The following TMEM80 variants were observed in gnomAD, a reference collection of about 807,000 sequenced individuals.
TMEM80 encodes transmembrane protein 80.
A neutral mutation model predicts 13.6 loss-of-function variants in TMEM80; 16 were observed. The ratio of observed to expected loss-of-function variants is 1.17; its 90% CI spans 0.79 to 1.78. TMEM80 has a LOEUF of 1.78. TMEM80 is among the 40% of genes most tolerant of loss of function. The pLI, the probability that TMEM80 is intolerant of heterozygous loss-of-function variation, is 0.00. For missense variants in TMEM80, 167 were observed against 184.6 expected (o/e 0.90, Z 0.55); for synonymous variants, 92 against 89.5 (o/e 1.03, Z -0.16).
At chr11:700,973 A>G (rs1222488963) in intron 4 of TMEM80, 2 of 441,774 alleles carry the variant, frequency 4.5e-6, no homozygotes, top group Non-Finnish European at 7.9e-6. Context: ...GGGTAATGGC[A>G]CTGAGATCAG....
chr11:696,055 C>T (rs895016996), intron 1 of TMEM80, among the ~76,000 whole-genome samples: 1 of 152,152 alleles, frequency 6.6e-6, no homozygotes, highest in African/African-American at 2.4e-5. Context: ...CTCCCCCGCG[C>T]GCGGGCGCCT....
At chr11:698,588 C>G (rs1246860251) in intron 1 of TMEM80, among the ~76,000 whole-genome samples, 1 of 152,180 alleles carries the variant, frequency 6.6e-6, no homozygotes, top group Non-Finnish European at 1.5e-5. Context: ...CCCTGAGGGC[C>G]AGCTGGGTCT....
rs558690114 is a variant in TMEM80, at chr11:698,490, T to A, written c.20-379T>A. On this transcript the variant is annotated intron_variant, in intron 1 of 4. Transcript: ENST00000397510. ...GTCAGAAAAGGTTTTCATCTAGTCA[T>A]ATATGTGTGGCAAATACGGAGAAGC... Among the ~76,000 whole-genome samples the A allele has an allele frequency of 6.9e-4, 105 of 152,220 alleles. 1 individual carries two copies. The highest frequency in any genetic ancestry group is 1.1e-3 in the Non-Finnish European group (78 of 68,042).
rs200935304 is a variant in TMEM80 at position 698,886 on chromosome 11, G to T, written c.37G>T (p.Val13Leu). 2.8e-5 allele frequency: 46 copies of T among 1,614,132 alleles called. No individual in the cohort carries two copies. The African/African-American group carries it at 4.4e-4, about 15-fold the overall frequency. Residue 13 changes from valine to leucine, a missense_variant and splice_region_variant, in exon 2 of 5, where the codon GTG (valine) becomes TTG (leucine). Transcript: ENST00000397510. Reference sequence around the variant, plus strand: ...TCTTTCAGGGAGAGGATCCTCCACAGTGGTATCCTGCTGCGTGCCCCTCCA... The same window carrying T: ...TCTTTCAGGGAGAGGATCCTCCACATTGGTATCCTGCTGCGTGCCCCTCCA... ...APRRGRGSSTVLSSVPLQMLF... is the reference protein window; with the variant it reads ...APRRGRGSSTLLSSVPLQMLF...
chr11:701,743 C>A (rs1225007698), intron 4 of TMEM80, among the ~76,000 whole-genome samples: 1 of 152,162 alleles, frequency 6.6e-6, no homozygotes, highest in African/African-American at 2.4e-5. Context: ...CCTGGTTGGT[C>A]TTGAACTCTT....
At chr11:701,406 C>CTTTTTT (rs71022955) in intron 4 of TMEM80, among the ~76,000 whole-genome samples, 1 of 64,900 alleles carries the variant, frequency 1.5e-5, no homozygotes, top group Non-Finnish European at 2.7e-5. Flanking sequence ...GACAAGGTTT[C>CTTTTTT]TTTTTTTTTT....
chr11:702,923 T>TC (rs5789195), intron 4 of TMEM80, 22 bp from the exon 5 acceptor site: 692,142 of 1,580,038 alleles, frequency 0.44, 156,799 homozygotes, highest in South Asian at 0.49. Context: ...CCACCTTCCC[T>TC]CCCCTTTGCT....
intron 4 of TMEM80, chr11:701,040 C>T: frequency 7.7e-6 from 3 of 390,478 alleles, no homozygotes; most frequent in South Asian, 7.5e-5. Flanking sequence ...GCACCCCTTT[C>T]CTTCCCCTTG....
At chr11:696,213 C>T (rs1292830087) in intron 1 of TMEM80, among the ~76,000 whole-genome samples, 1 of 152,116 alleles carries the variant, frequency 6.6e-6, no homozygotes, top group Non-Finnish European at 1.5e-5. Context: ...AAATCGCGGG[C>T]GCCGGTGCCT....
intron 2 of TMEM80, chr11:699,871 CCA>C: frequency 2.3e-6 from 1 of 443,542 alleles, no homozygotes; most frequent in Non-Finnish European, 4.0e-6. Context: ...CCAGTCCTGT[CCA>C]CAGTCAGGAG....
chr11:699,855 C>T (rs1861363554), intron 2 of TMEM80: 1 of 385,966 alleles, frequency 2.6e-6, no homozygotes, highest in Non-Finnish European at 4.7e-6. Flanking sequence ...GGAGGCTGTC[C>T]CCTGACCAGT....
At chr11:699,254 T>A in intron 2 of TMEM80, 1 of 300,502 alleles carries the variant, frequency 3.3e-6, no homozygotes, top group Admixed American at 4.5e-5. Flanking sequence ...GGACAGAGCC[T>A]TCCTCTCACC....
At chr11:695,668 A>G, upstream of TMEM80, 1 of 1,244,574 alleles carries the variant, frequency 8.0e-7, no homozygotes. Context: ...GCGGTGCCGG[A>G]CGGACTAATC....
chr11:697,890 T>C (rs56394618), intron 1 of TMEM80: 56,938 of 152,110 alleles, frequency 0.37, 12,173 homozygotes, highest in East Asian at 0.5. Flanking sequence ...CTCTTGCCTG[T>C]GTGAGATTCC....
chr11:704,500 C>T (rs755780125), downstream of TMEM80: 30 of 1,289,146 alleles, frequency 2.3e-5, no homozygotes, highest in South Asian at 3.7e-5. Flanking sequence ...AGCGCCTGAG[C>T]GCCTCGGGCC....
chr11:704,970 T>C, downstream of TMEM80: 1 of 318,596 alleles, frequency 3.1e-6, no homozygotes, highest in East Asian at 8.6e-5. Flanking sequence ...GGCAAGCTCA[T>C]GCATGGAGCA....
Position 703,702 on chromosome 11 carries a change from T to G in TMEM80, c.*552T>G, listed in dbSNP as rs1246180223. The G allele has an allele frequency of 8.1e-7, 1 of 1,232,326 alleles. No homozygotes were observed. The highest frequency in any genetic ancestry group is 1.0e-6 in the Non-Finnish European group (1 of 988,528). The allele number at this position is 1,232,326 out of a possible 1,614,324, so 76.3% of individuals were successfully genotyped here. A position where few individuals can be genotyped will look rare whatever the true frequency, so the allele number is the denominator to read the frequency against. ...CTGCCTCACAGGCAGGCAGGCCCGG[T>G]GCAAGAGTGGACTCTGGGTTCCTAA... On this transcript the variant is annotated 3_prime_UTR_variant, in exon 5 of 5. Transcript: ENST00000397510.
intron 1 of TMEM80, among the ~76,000 whole-genome samples, chr11:697,306 T>G (rs1231477851): frequency 6.6e-6 from 1 of 152,198 alleles, no homozygotes; most frequent in Non-Finnish European, 1.5e-5. Flanking sequence ...TCTTGTCCAT[T>G]ACATCAGGGA....
chr11:701,471 C>G (rs1169174934), intron 4 of TMEM80, among the ~76,000 whole-genome samples: 1 of 133,528 alleles, frequency 7.5e-6, no homozygotes, highest in African/African-American at 2.9e-5. Context: ...AGTGCAGTGG[C>G]GTGAACTTGG....
Sources: allele counts gnomAD v4.1 joint callset (sites outside exome capture counted in the v4.1 genomes callset), GRCh38; gene constraint gnomAD v4.1.1; transcripts MANE v1.5; gene names NCBI Gene and HGNC (gene_info 2026-07-23, HGNC 2026-07-21).